JADE3: variants seen among roughly 807,000 people sequenced by gnomAD.
JADE3 encodes jade family PHD finger 3.
A neutral mutation model predicts 50.1 loss-of-function variants in JADE3; 2 were observed. That is an observed-to-expected ratio of 0.04 (90% CI 0.02 to 0.13). The LOEUF is 0.13. JADE3 is among the 10% of genes least tolerant of loss of function. The pLI, the probability that JADE3 is intolerant of heterozygous loss-of-function variation, is 1.00. For missense variants in JADE3, 475 were observed against 634.4 expected, an observed-to-expected ratio of 0.75 and a Z score of 2.70; for synonymous variants, 218 against 232.9, an observed-to-expected ratio of 0.94 and a Z score of 0.58.
intron 1 of JADE3, among the ~76,000 whole-genome samples, chrX:46,936,185 A>T (rs1367506887): frequency 9.2e-6 from 1 of 109,135 alleles, no homozygotes; most frequent in African/African-American, 3.4e-5. Context: ...TACCCAGCTA[A>T]TTTTTGTATT....
intron 1 of JADE3, among the ~76,000 whole-genome samples, chrX:46,981,894 G>A (rs189742068): frequency 9.5e-4 from 105 of 110,203 alleles, no homozygotes; most frequent in Non-Finnish European, 1.8e-3. Flanking sequence ...TTTTTTTCCC[G>A]GGCTGCTTTC....
chrX:47,036,042 G>A (rs906242585), intron 7 of JADE3, among the ~76,000 whole-genome samples: 5 of 110,948 alleles, frequency 4.5e-5, no homozygotes, highest in Admixed American at 9.6e-5. Context: ...TATTCAGGGG[G>A]CTGAGGCGGC....
intron 4 of JADE3, among the ~76,000 whole-genome samples, chrX:46,998,796 G>A (rs962041124): frequency 1.8e-5 from 2 of 110,870 alleles, no homozygotes; most frequent in Non-Finnish European, 3.8e-5. Context: ...GGGTTCAAGA[G>A]ATTCTCCTGC....
At chrX:47,033,566 C>G (rs782805234) in intron 6 of JADE3, 55 bp from the exon 7 acceptor site, 1 of 1,033,859 alleles carries the variant, frequency 9.7e-7, no homozygotes, top group African/African-American at 1.9e-5. Context: ...AGAACAGATA[C>G]CAACCCTGGT....
At chrX:46,996,097 C>T (rs1005711492) in intron 3 of JADE3, among the ~76,000 whole-genome samples, 6 of 112,037 alleles carry the variant, frequency 5.4e-5, no homozygotes, top group African/African-American at 9.7e-5. Context: ...AGTGCAGTGA[C>T]GCGATCTCGG....
chrX:46,985,824 G>A lies in JADE3; in HGVS notation c.126+32G>A, dbSNP rs1341027053. On this transcript the variant is annotated intron_variant, in intron 3 of 10. Coordinates refer to ENST00000614628, the MANE Select transcript of JADE3 (RefSeq NM_014735.5). ...TCGTATTCTCAATTTTTAGACTTAAGCTATAGTTTGGATGCTTGTCTTCCA... is the reference window on the plus strand; with the variant it reads ...TCGTATTCTCAATTTTTAGACTTAAACTATAGTTTGGATGCTTGTCTTCCA... 5 of 998,335 alleles carry A rather than the reference G, an allele frequency of 5.0e-6. No homozygotes were observed. The African/African-American group carries it at 9.4e-5, about 19-fold the overall frequency. The allele number at this position is 998,335 out of a possible 1,213,427, so 82.3% of individuals were successfully genotyped here. A position where few individuals can be genotyped will look rare whatever the true frequency, so the allele number is the denominator to read the frequency against.
intron 6 of JADE3, among the ~76,000 whole-genome samples, chrX:47,033,186 C>T (rs782363949): frequency 8.9e-6 from 1 of 112,285 alleles, no homozygotes; most frequent in East Asian, 2.8e-4. Context: ...TTCATTTGCT[C>T]CTCAGAAGTT....
intron 8 of JADE3, among the ~76,000 whole-genome samples, chrX:47,047,283 A>G (rs1220107366): frequency 2.7e-5 from 3 of 112,422 alleles, no homozygotes; most frequent in South Asian, 3.7e-4. Flanking sequence ...ACGGTTGCTC[A>G]TGCCTGTAAT....
intron 3 of JADE3, among the ~76,000 whole-genome samples, chrX:46,994,457 C>T (rs1928080641): frequency 1.8e-5 from 2 of 112,342 alleles, no homozygotes; most frequent in African/African-American, 6.5e-5. Flanking sequence ...AAAATAGACA[C>T]ACTATTAAGA....
intron 1 of JADE3, among the ~76,000 whole-genome samples, chrX:46,979,777 G>T (rs1033637993): frequency 9.1e-6 from 1 of 109,717 alleles, no homozygotes; most frequent in Admixed American, 9.8e-5. Flanking sequence ...AATATCTTGT[G>T]GTTTTAACTG....
intron 1 of JADE3, among the ~76,000 whole-genome samples, chrX:46,946,847 G>A (rs1395453494): frequency 9.0e-6 from 1 of 111,680 alleles, no homozygotes; most frequent in Non-Finnish European, 1.9e-5. Flanking sequence ...ACATTTATCA[G>A]CATATCACTG....
intron 1 of JADE3, among the ~76,000 whole-genome samples, chrX:46,948,051 G>C (rs984196850): frequency 1.8e-5 from 2 of 111,674 alleles, no homozygotes; most frequent in East Asian, 5.5e-4. Flanking sequence ...GATGAATTTG[G>C]CATGTGGATA....
chrX:46,980,638 A>G (rs192663086), intron 1 of JADE3, among the ~76,000 whole-genome samples: 38 of 111,485 alleles, frequency 3.4e-4, no homozygotes, highest in East Asian at 8.4e-4. Flanking sequence ...TTCTTTGCCA[A>G]TCATGCTTTA....
At chrX:47,055,137 C>T (rs1246079462) in intron 9 of JADE3, among the ~76,000 whole-genome samples, 2 of 110,735 alleles carry the variant, frequency 1.8e-5, no homozygotes, top group Non-Finnish European at 3.8e-5. Context: ...GCACACACAC[C>T]CCCAGCGTGA....
chrX:46,977,800 T>G (rs1556351922), intron 1 of JADE3, among the ~76,000 whole-genome samples: 2 of 111,151 alleles, frequency 1.8e-5, no homozygotes, highest in South Asian at 3.8e-4. Flanking sequence ...ATAGCCTGTT[T>G]GAGGTGATGG....
chrX:46,973,794 T>C (rs1363544484), intron 1 of JADE3, among the ~76,000 whole-genome samples: 1 of 112,387 alleles, frequency 8.9e-6, no homozygotes. Context: ...ATTTAAGAAA[T>C]AGTTGGCCGG....
At chrX:47,001,984 C>CT (rs1439532797) in intron 4 of JADE3, among the ~76,000 whole-genome samples, 1 of 111,358 alleles carries the variant, frequency 9.0e-6, no homozygotes, top group Non-Finnish European at 1.9e-5. Flanking sequence ...TTGAGAATTA[C>CT]TTATAAATTT....
chrX:46,993,846 C>A (rs1463526285), intron 3 of JADE3, among the ~76,000 whole-genome samples: 1 of 111,959 alleles, frequency 8.9e-6, no homozygotes, highest in Non-Finnish European at 1.9e-5. Context: ...GTTTTCTCTG[C>A]TATTGATTTT....
chrX:47,055,080 G>A (rs1929606756), intron 9 of JADE3, among the ~76,000 whole-genome samples: 1 of 110,584 alleles, frequency 9.0e-6, no homozygotes, highest in African/African-American at 3.3e-5. Flanking sequence ...AATTTAAGAT[G>A]TTTACCAGCA....
Sources: gnomAD v4.1 joint callset for allele counts (sites outside exome capture counted in the v4.1 genomes callset) on GRCh38, gnomAD v4.1.1 for gene constraint, MANE v1.5 for transcripts, NCBI Gene and HGNC (gene_info 2026-07-23, HGNC 2026-07-21) for gene names.